Variants in ABCA13 observed in about 807,000 individuals in gnomAD.
ABCA13 encodes the protein ATP binding cassette subfamily A member 13.
A neutral mutation model predicts 478.7 loss-of-function variants in ABCA13; 476 were observed. The observed-to-expected ratio is 0.99, with a 90% CI of 0.92 to 1.07. The LOEUF (loss-of-function observed/expected upper bound fraction) is 1.07. Ranked by LOEUF, ABCA13 falls within the 50% of genes least tolerant of loss-of-function variation. The pLI is 0.00. For synonymous variants in ABCA13, 2,252 were observed against 2,158.9 expected, an observed-to-expected ratio of 1.04 and a Z score of -1.20; for missense variants, 6,060 against 5,910.6, an observed-to-expected ratio of 1.03 and a Z score of -0.83.
chr7:48,225,310 T>C (rs1334672661), intron 5 of ABCA13, among the ~76,000 whole-genome samples: 1 of 151,566 alleles, frequency 6.6e-6, no homozygotes, highest in African/African-American at 2.4e-5. Flanking sequence ...TCCATTTTTT[T>C]CCCTAAATTT....
At chr7:48,573,450 C>A (rs934758725) in intron 55 of ABCA13, among the ~76,000 whole-genome samples, 17 of 152,016 alleles carry the variant, frequency 1.1e-4, no homozygotes, top group East Asian at 9.7e-4. Context: ...AATCCCAGTG[C>A]TCTGGGAGGT....
In ABCA13 at chr7:48,647,466, GAATA is replaced by G. The variant is rs1795494788; in HGVS notation, c.*1958_*1961del. On this transcript the variant is annotated 3_prime_UTR_variant, in exon 62 of 62. Coordinates refer to ENST00000435803, the MANE Select transcript of ABCA13 (RefSeq NM_152701.5). The stretch of plus-strand genomic sequence containing the variant: ...AACATGAATGTGTTTAAACTGCAGT[GAATA>G]AATGAGATGTGCTTTAATTTAACCC... 2 of 152,286 alleles carry G rather than the reference GAATA, an allele frequency of 1.3e-5. No individual in the cohort carries two copies. The highest frequency in any genetic ancestry group is 3.9e-4 in the East Asian group (2 of 5,180). 9.4% of individuals were successfully genotyped at this position (152,286 alleles called of 1,614,324 possible).
At chr7:48,219,841 T>C in intron 4 of ABCA13, among the ~76,000 whole-genome samples, 1 of 151,920 alleles carries the variant, frequency 6.6e-6, no homozygotes, top group Non-Finnish European at 1.5e-5. Context: ...CCTTTCTTGC[T>C]TTCTCTTATT....
chr7:48,440,292 AG>A (rs1225175039), intron 42 of ABCA13, among the ~76,000 whole-genome samples: 1 of 152,138 alleles, frequency 6.6e-6, no homozygotes, highest in Non-Finnish European at 1.5e-5. Context: ...CCTCCTCACA[AG>A]GGTAATTGAA....
rs772369769 is a variant in ABCA13 at position 48,276,312 on chromosome 7, T to A, written c.6646T>A (p.Leu2216Ile). The A allele has an allele frequency of 1.3e-6, 2 of 1,554,396 alleles. No individual in the cohort carries two copies. Among genetic ancestry groups the A allele is most frequent in the South Asian group, 2.4e-5 (2 of 83,040 alleles). Reference protein sequence around the residue: ...ENILINLINNLAGNSQEAAWN... With the variant: ...ENILINLINNIAGNSQEAAWN... ...CATCCTAATTAATTTGATCAATAAC[T>A]TAGCTGGGAATTCTCAGGAAGCAGC... Residue 2216 changes from leucine to isoleucine, a missense_variant, in exon 17 of 62, where the codon TTA becomes ATA. Transcript: ENST00000435803.
chr7:48,297,172 C>T, intron 21 of ABCA13, 60 bp from the exon 22 acceptor site: 5 of 1,374,702 alleles, frequency 3.6e-6, no homozygotes, highest in Non-Finnish European at 5.1e-6. Context: ...ATTATTCATT[C>T]CAACACTGTT....
intron 41 of ABCA13, among the ~76,000 whole-genome samples, chr7:48,414,931 G>C (rs952375209): frequency 6.6e-6 from 1 of 152,306 alleles, no homozygotes; most frequent in African/African-American, 2.4e-5. Context: ...GCTTTGGAGT[G>C]ACCACGGAGC....
At chr7:48,299,687 C>T (rs1054563251) in intron 23 of ABCA13, among the ~76,000 whole-genome samples, 2 of 152,144 alleles carry the variant, frequency 1.3e-5, no homozygotes, top group Non-Finnish European at 2.9e-5. Flanking sequence ...TCTGGGGTCC[C>T]TTTCAAATTC....
chr7:48,312,180 A>G (rs965614252), intron 24 of ABCA13, among the ~76,000 whole-genome samples: 1 of 152,178 alleles, frequency 6.6e-6, no homozygotes, highest in East Asian at 1.9e-4. Flanking sequence ...CTAAAACACT[A>G]ATGAGCAAAA....
intron 55 of ABCA13, among the ~76,000 whole-genome samples, chr7:48,545,324 T>G (rs973038893): frequency 1.3e-5 from 2 of 151,698 alleles, no homozygotes; most frequent in African/African-American, 4.8e-5. Flanking sequence ...CTGTCTAGGA[T>G]TAGAGGTGAA....
intron 43 of ABCA13, among the ~76,000 whole-genome samples, chr7:48,457,361 A>G (rs968604202): frequency 3.3e-5 from 5 of 152,076 alleles, no homozygotes; most frequent in Non-Finnish European, 7.4e-5. Flanking sequence ...TTTACCGCTT[A>G]TCTTTTTCTT....
At position 48,285,369 on chromosome 7, in the gene ABCA13, G is replaced by A. The variant is rs544404616; in HGVS notation, c.8837-2591G>A. ...AGCCAGGGATTGGGAGAGGCAATGA[G>A]AGGTGGAGAAAGAGGGTACCCGGGA... is the stretch of plus-strand genomic sequence containing the variant. On this transcript the variant is annotated intron_variant, in intron 19 of 61. Coordinates refer to ENST00000435803, the MANE Select transcript of ABCA13 (RefSeq NM_152701.5). Among the ~76,000 whole-genome samples the A allele has an allele frequency of 6.6e-5, 10 of 152,350 alleles. No homozygotes were observed. The South Asian group carries it at 2.1e-3, about 32-fold the overall frequency.
intron 41 of ABCA13, among the ~76,000 whole-genome samples, chr7:48,420,784 G>T (rs2362299): frequency 6.8e-6 from 1 of 147,858 alleles, no homozygotes; most frequent in African/African-American, 2.5e-5. Flanking sequence ...AAAAAGAATT[G>T]CTGTAAAATC....
At chr7:48,468,456 A>T (rs576235247) in intron 44 of ABCA13, among the ~76,000 whole-genome samples, 1 of 152,074 alleles carries the variant, frequency 6.6e-6, no homozygotes, top group Non-Finnish European at 1.5e-5. Flanking sequence ...TCTATATTTA[A>T]TCATTTCTAT....
At chr7:48,173,500 C>T (rs974410968) in intron 1 of ABCA13, among the ~76,000 whole-genome samples, 1 of 152,106 alleles carries the variant, frequency 6.6e-6, no homozygotes, top group African/African-American at 2.4e-5. Context: ...AGTTCCTGGC[C>T]CACAAAGAGC....
rs765591955 is a variant in ABCA13 at position 48,240,856 on chromosome 7, C to A, written c.1063-11C>A. 4 of 1,485,604 alleles carry A rather than the reference C, an allele frequency of 2.7e-6. No homozygotes were observed. Among genetic ancestry groups the A allele is most frequent in the Non-Finnish European group, 3.6e-6 (4 of 1,115,142 alleles). The allele number at this position is 1,485,604 out of a possible 1,614,324, so 92.0% of individuals were successfully genotyped here. ...TTATTAATGCTAGTATTTTGGTTTCCGAATTTGTAGGTGTTTGTTCAGTGG... is the reference window on the plus strand; with the variant it reads ...TTATTAATGCTAGTATTTTGGTTTCAGAATTTGTAGGTGTTTGTTCAGTGG... On this transcript the variant is annotated splice_polypyrimidine_tract_variant and intron_variant, in intron 9 of 61. Transcript: ENST00000435803.
intron 32 of ABCA13, among the ~76,000 whole-genome samples, chr7:48,368,216 C>T (rs190439860): frequency 7.9e-4 from 121 of 152,280 alleles, no homozygotes; most frequent in Admixed American, 1.2e-3. Flanking sequence ...TAGCAGCAGA[C>T]TTCCCATCTT....
chr7:48,250,356 T>G (rs1302180750), intron 15 of ABCA13, among the ~76,000 whole-genome samples: 1 of 152,126 alleles, frequency 6.6e-6, no homozygotes, highest in Non-Finnish European at 1.5e-5. Context: ...CTTCCATCCC[T>G]CTCTCCCCTA....
rs533011962 is a variant in ABCA13 at position 48,385,942 on chromosome 7, C to A, written c.11336-1880C>A. Among the ~76,000 whole-genome samples, 9 of 152,266 alleles carry A rather than the reference C, an allele frequency of 5.9e-5. No individual in the cohort carries two copies. In the East Asian group the frequency reaches 1.3e-3, roughly 23 times the overall value. Reference sequence around the variant, plus strand: ...TGAGGTTTTTCCATATGATTATCAGCCCCATGTATGTCTTCTTTTGAGAAG... The same window carrying A: ...TGAGGTTTTTCCATATGATTATCAGACCCATGTATGTCTTCTTTTGAGAAG... On this transcript the variant is annotated intron_variant, in intron 35 of 61. Transcript: ENST00000435803.
Sources: allele counts gnomAD v4.1 joint callset (sites outside exome capture counted in the v4.1 genomes callset), GRCh38; gene constraint gnomAD v4.1.1; transcripts MANE v1.5; gene names NCBI Gene and HGNC (gene_info 2026-07-23, HGNC 2026-07-21).